CXCL8: variants seen among roughly 807,000 people sequenced by gnomAD.
CXCL8 encodes interleukin-8.
Under a neutral mutation model 10.9 loss-of-function variants are expected in CXCL8, and 12 were observed. That is an observed-to-expected ratio of 1.10 (90% CI 0.71 to 1.79). The LOEUF (loss-of-function observed/expected upper bound fraction) is 1.79. CXCL8 is among the 40% of genes most tolerant of loss of function. The pLI, the probability that CXCL8 is intolerant of heterozygous loss-of-function variation, is 0.00. For synonymous variants in CXCL8, 41 were observed against 39.6 expected (o/e 1.03, Z -0.13); for missense variants, 145 against 113.4 (o/e 1.28, Z -1.26).
In CXCL8 at chr4:73,742,166, T is replaced by C. The variant is rs552848872; in HGVS notation, c.284+134T>C. On this transcript the variant is annotated intron_variant, in intron 3 of 3. Coordinates refer to ENST00000307407, the MANE Select transcript of CXCL8 (RefSeq NM_000584.4). ...CCTTTTTGGTTAAAAAAAAAAGGAATAGCATCAATAGTGAGTTTGTTGTAC... is the reference window on the plus strand; with the variant it reads ...CCTTTTTGGTTAAAAAAAAAAGGAACAGCATCAATAGTGAGTTTGTTGTAC... The C allele has an allele frequency of 8.3e-6, 5 of 604,394 alleles. No homozygotes were observed. The South Asian group carries it at 1.2e-4, about 14-fold the overall frequency. The allele number at this position is 604,394 out of a possible 1,614,324, so 37.4% of individuals were successfully genotyped here.
chr4:73,741,797 T>TA (rs2227541), intron 2 of CXCL8, 120 bp downstream of exon 2: 555,948 of 1,034,952 alleles, frequency 0.54, 156,557 homozygotes, highest in East Asian at 0.64. Flanking sequence ...CAAAACAAAA[T>TA]AAAAATATTT....
intron 2 of CXCL8, 119 bp downstream of exon 2, chr4:73,741,796 A>G: frequency 9.7e-7 from 1 of 1,026,632 alleles, no homozygotes; most frequent in Non-Finnish European, 1.4e-6. Flanking sequence ...ACAAAACAAA[A>G]TAAAAATATT....
At chr4:73,740,878 A>G (rs1171422645) in intron 1 of CXCL8, among the ~76,000 whole-genome samples, 156 bp downstream of exon 1, 1 of 152,208 alleles carries the variant, frequency 6.6e-6, no homozygotes, top group Non-Finnish European at 1.5e-5. Context: ...AAGATTTAGA[A>G]AAAACTATAT....
Position 73,742,634 on chromosome 4 carries a change from T to C in CXCL8, c.*170T>C. ...CAGTAAACAATGAATAGTTTTTCAT[T>C]GTACCATGAAATATCCAGAACATAC... On this transcript the variant is annotated 3_prime_UTR_variant, in exon 4 of 4. Transcript: ENST00000307407. The C allele has an allele frequency of 2.2e-6, 1 of 450,634 alleles. No individual in the cohort carries two copies. Among genetic ancestry groups the C allele is most frequent in the East Asian group, 3.5e-5 (1 of 28,770 alleles). The allele number at this position is 450,634 out of a possible 1,614,324, so 27.9% of individuals were successfully genotyped here. A position where few individuals can be genotyped will look rare whatever the true frequency, so the allele number is the denominator to read the frequency against.
intron 2 of CXCL8, 91 bp from the exon 3 acceptor site, chr4:73,741,858 T>G: frequency 8.9e-7 from 1 of 1,123,112 alleles, no homozygotes; most frequent in Non-Finnish European, 1.3e-6. Context: ...ATAAATGTTA[T>G]TTTGGACTTA....
intron 1 of CXCL8, 30 bp from the exon 2 acceptor site, chr4:73,741,512 T>G: frequency 6.2e-7 from 1 of 1,609,776 alleles, no homozygotes; most frequent in Non-Finnish European, 8.5e-7. Context: ...GTTGATAAAA[T>G]CAATCCTTAA....
chr4:73,741,464 T>C (rs902677056), intron 1 of CXCL8, 78 bp from the exon 2 acceptor site: 10 of 1,358,624 alleles, frequency 7.4e-6, no homozygotes, highest in African/African-American at 4.4e-5. Context: ...AATAATCATA[T>C]TGGAATTAGA....
intron 1 of CXCL8, among the ~76,000 whole-genome samples, 153 bp from the exon 2 acceptor site, chr4:73,741,389 G>A (rs1729168593): frequency 6.6e-6 from 1 of 152,144 alleles, no homozygotes; most frequent in Admixed American, 6.6e-5. Flanking sequence ...ACTAACTGAG[G>A]TCAAGGGCTA....
chr4:73,742,221 C>T, intron 3 of CXCL8, 189 bp downstream of exon 3: 1 of 578,326 alleles, frequency 1.7e-6, no homozygotes, highest in Non-Finnish European at 3.1e-6. Context: ...ACATAGTTTG[C>T]CCAGGAAATT....
At chr4:73,741,392 A>G (rs1729168661) in intron 1 of CXCL8, 150 bp from the exon 2 acceptor site, 2 of 692,528 alleles carry the variant, frequency 2.9e-6, no homozygotes, top group Non-Finnish European at 4.8e-6. Flanking sequence ...AACTGAGGTC[A>G]AGGGCTAGGA....
In CXCL8 at chr4:73,740,699, T is replaced by A. The variant is rs200254616; in HGVS notation, c.41T>A (p.Leu14Gln). 4 of 1,613,562 alleles carry A rather than the reference T, an allele frequency of 2.5e-6. No individual in the cohort carries two copies. Among genetic ancestry groups the A allele is most frequent in the Non-Finnish European group, 3.4e-6 (4 of 1,179,712 alleles). The change falls in exon 1 of 4, where the codon CTG (leucine) becomes CAG (glutamine). Residue 14 changes from leucine (L) to glutamine (Q), a missense_variant. Leu to Gln is a moderately radical substitution (Grantham distance 113, BLOSUM62 -2). Coordinates refer to ENST00000307407, the MANE Select transcript of CXCL8 (RefSeq NM_000584.4). ...GCCGTGGCTCTCTTGGCAGCCTTCC[T>A]GATTTCTGCAGCTCTGTGTGAAGGT... ...KLAVALLAAF[L>Q]ISAALCEGAV...
rs1729173132 is a variant in CXCL8, at chr4:73,741,536, C to A, written c.65-6C>A. The A allele has an allele frequency of 6.2e-7, 1 of 1,610,968 alleles. No homozygotes were observed. Among genetic ancestry groups the A allele is most frequent in the African/African-American group, 1.3e-5 (1 of 74,836 alleles). ...ATCAATCCTTAATCACTTTTTCCCCCAACAGGTGCAGTTTTGCCAAGGAGT... is the reference window on the plus strand; with the variant it reads ...ATCAATCCTTAATCACTTTTTCCCCAAACAGGTGCAGTTTTGCCAAGGAGT... On this transcript the variant is annotated splice_region_variant and splice_polypyrimidine_tract_variant and intron_variant, in intron 1 of 3. Transcript: ENST00000307407.
chr4:73,741,571 C>G lies in CXCL8; in HGVS notation c.94C>G (p.Leu32Val). 1.2e-6 allele frequency: 2 copies of G among 1,613,466 alleles called. No individual in the cohort carries two copies. The highest frequency in any genetic ancestry group is 1.7e-6 in the Non-Finnish European group (2 of 1,179,644). ...AGTTTTGCCAAGGAGTGCTAAAGAA[C>G]TTAGATGTCAGTGCATAAAGACATA... Reference protein sequence around the residue: ...GAVLPRSAKELRCQCIKTYSK... With the variant: ...GAVLPRSAKEVRCQCIKTYSK... Residue 32 changes from leucine (L) to valine (V), a missense_variant, in exon 2 of 4, where the codon CTT (leucine) becomes GTT (valine). Leu to Val is a conservative substitution (Grantham distance 32, BLOSUM62 1). Coordinates refer to ENST00000307407, the MANE Select transcript of CXCL8 (RefSeq NM_000584.4).
At chr4:73,741,906 C>A in intron 2 of CXCL8, 43 bp from the exon 3 acceptor site, 1 of 1,435,608 alleles carries the variant, frequency 7.0e-7, no homozygotes, top group Non-Finnish European at 9.8e-7. Flanking sequence ...GATTTGAATG[C>A]AAAAACTAAA....
intron 1 of CXCL8, among the ~76,000 whole-genome samples, chr4:73,741,217 A>G (rs936342695): frequency 6.6e-6 from 1 of 152,196 alleles, no homozygotes; most frequent in African/African-American, 2.4e-5. Context: ...GGAGAGTCTT[A>G]GCTTGCCTAC....
Position 73,741,939 on chromosome 4 carries a change from C to A in CXCL8, c.201-10C>A. On this transcript the variant is annotated splice_polypyrimidine_tract_variant and intron_variant, in intron 2 of 3. Coordinates refer to ENST00000307407, the MANE Select transcript of CXCL8 (RefSeq NM_000584.4). ...AAATATTAATCTGAACCATTTCTTT[C>A]TTATTTCAGTGTAAAGCTTTCTGAT... 1 of 1,581,800 alleles carries A rather than the reference C, an allele frequency of 6.3e-7. No homozygotes were observed. The highest frequency in any genetic ancestry group is 1.3e-5 in the African/African-American group (1 of 74,286).
In CXCL8 at chr4:73,741,580, C is replaced by A. The variant is rs149273289; in HGVS notation, c.103C>A (p.Gln35Lys). 66 of 1,613,270 alleles carry A rather than the reference C, an allele frequency of 4.1e-5. No individual in the cohort carries two copies. Among genetic ancestry groups the A allele is most frequent in the Non-Finnish European group, 5.3e-5 (62 of 1,179,516 alleles). The change falls in exon 2 of 4, where the codon CAG (glutamine) becomes AAG (lysine). Residue 35 changes from glutamine to lysine, a missense_variant. Transcript: ENST00000307407. Reference sequence around the variant, plus strand: ...AAGGAGTGCTAAAGAACTTAGATGTCAGTGCATAAAGACATACTCCAAACC... The same window carrying A: ...AAGGAGTGCTAAAGAACTTAGATGTAAGTGCATAAAGACATACTCCAAACC... ...LPRSAKELRCQCIKTYSKPFH... is the reference protein window; with the variant it reads ...LPRSAKELRCKCIKTYSKPFH...
intron 1 of CXCL8, 123 bp from the exon 2 acceptor site, chr4:73,741,419 G>GTCCA: frequency 9.1e-6 from 8 of 880,404 alleles, no homozygotes; most frequent in Non-Finnish European, 1.7e-6. Context: ...TCAGGAATGA[G>GTCCA]TTCACTAGAA....
chr4:73,741,459 T>C, intron 1 of CXCL8, 83 bp from the exon 2 acceptor site: 1 of 1,303,382 alleles, frequency 7.7e-7, no homozygotes, highest in East Asian at 2.4e-5. Flanking sequence ...CTCCAAATAA[T>C]CATATTGGAA....
Sources: gnomAD v4.1 joint callset for allele counts (sites outside exome capture counted in the v4.1 genomes callset) on GRCh38, gnomAD v4.1.1 for gene constraint, MANE v1.5 for transcripts, NCBI Gene and HGNC (gene_info 2026-07-23, HGNC 2026-07-21) for gene names.